RALGDS: variants seen among roughly 807,000 people sequenced by gnomAD.
The protein encoded by RALGDS is ral guanine nucleotide dissociation stimulator, also known as ral guanine nucleotide exchange factor.
Under a neutral mutation model 99.8 loss-of-function variants are expected in RALGDS, and 44 were observed. The ratio of observed to expected loss-of-function variants is 0.44; its 90% CI spans 0.35 to 0.57. RALGDS has a LOEUF of 0.57. Ranked by LOEUF, RALGDS falls within the 20% of genes least tolerant of loss-of-function variation. The pLI is 0.01. For synonymous variants in RALGDS, 529 were observed against 505.0 expected (o/e 1.05, Z -0.64); for missense variants, 1,022 against 1,203.1 (o/e 0.85, Z 2.23).
intron 12 of RALGDS, 138 bp from the exon 13 acceptor site, chr9:133,103,038 G>T: frequency 1.4e-6 from 2 of 1,437,150 alleles, no homozygotes; most frequent in Non-Finnish European, 9.5e-7. Context: ...GTTGGGCTCA[G>T]CCACTCCCCA....
At chr9:133,099,026 C>T (rs1410250142) in intron 17 of RALGDS, 1 of 478,972 alleles carries the variant, frequency 2.1e-6, no homozygotes, top group East Asian at 3.8e-5. Flanking sequence ...GGCAGAGGGT[C>T]ACCCCGTCCT....
At chr9:133,104,840 C>T (rs374794958) in intron 9 of RALGDS, among the ~76,000 whole-genome samples, 4 of 152,110 alleles carry the variant, frequency 2.6e-5, no homozygotes, top group African/African-American at 7.2e-5. Context: ...CCACCTGCCT[C>T]GCAGGGCCTC....
chr9:133,145,426 T>G (rs1206696590), intron 1 of RALGDS, among the ~76,000 whole-genome samples: 1 of 139,894 alleles, frequency 7.1e-6, no homozygotes, highest in Non-Finnish European at 1.5e-5. Context: ...AGATACGAAA[T>G]GAATGAGTGA....
intron 1 of RALGDS, among the ~76,000 whole-genome samples, chr9:133,119,375 C>T (rs1831790346): frequency 1.3e-5 from 2 of 151,966 alleles, no homozygotes; most frequent in African/African-American, 2.4e-5. Flanking sequence ...TCCTCTCCTG[C>T]CAGGATCCTG....
At chr9:133,112,624 C>A (rs1831403845) in intron 1 of RALGDS, among the ~76,000 whole-genome samples, 1 of 152,294 alleles carries the variant, frequency 6.6e-6, no homozygotes, top group East Asian at 1.9e-4. Context: ...GGTCCCCCTA[C>A]CTCCCCAGGG....
upstream of RALGDS, among the ~76,000 whole-genome samples, chr9:133,123,608 T>C (rs1832024642): frequency 6.6e-6 from 1 of 152,240 alleles, no homozygotes; most frequent in Non-Finnish European, 1.5e-5. Flanking sequence ...CTTCCTGCCT[T>C]GTTCCCCTAC....
In RALGDS at chr9:133,098,172, G is replaced by C. The variant is rs1160011099; in HGVS notation, c.*415C>G. 2.9e-6 allele frequency: 1 copy of C among 344,338 alleles called. No homozygotes were observed. The highest frequency in any genetic ancestry group is 2.1e-5 in the African/African-American group (1 of 48,700). The allele number at this position is 344,338 out of a possible 1,614,324, so 21.3% of individuals were successfully genotyped here. ...GCCGGGACCCCTGCGAAGGTCACAGGCCAGTGCCTGTGGGCATGAGAGAAC... is the reference window on the plus strand; with the variant it reads ...GCCGGGACCCCTGCGAAGGTCACAGCCCAGTGCCTGTGGGCATGAGAGAAC... On this transcript the variant is annotated 3_prime_UTR_variant, in exon 18 of 18. Coordinates refer to ENST00000372050, the MANE Select transcript of RALGDS (RefSeq NM_006266.4).
upstream of RALGDS, chr9:133,131,143 C>G (rs544658311): frequency 7.0e-7 from 1 of 1,433,680 alleles, no homozygotes; most frequent in Non-Finnish European, 9.1e-7. Flanking sequence ...CGCTCCCAGC[C>G]CTGCTCCTCT....
Position 133,108,126 on chromosome 9 carries a change from T to C in RALGDS, c.1059A>G (p.Pro353=). Residue 353 remains proline, a synonymous_variant, in exon 6 of 18, where the codon CCA becomes CCG. Coordinates refer to ENST00000372050, the MANE Select transcript of RALGDS (RefSeq NM_006266.4). ...PAPSQTLELE[P]APAPVPSLQP... The stretch of plus-strand genomic sequence containing the variant: ...GTAATGATGGAACTGGTGCTGGAGC[T>C]GGCTCCAGCTCTAGAGTTTGTGAGG... 1 of 1,610,790 alleles carries C rather than the reference T, an allele frequency of 6.2e-7. No homozygotes were observed.
chr9:133,098,056 G>A lies in RALGDS; in HGVS notation c.*531C>T, dbSNP rs1830584728. ...CTCTCTGCTCCCAGGGGAGGGCTGG[G>A]GTAAGCGGTGGGTGAGACTCCCTCA... is the stretch of plus-strand genomic sequence containing the variant. On this transcript the variant is annotated 3_prime_UTR_variant, in exon 18 of 18. Coordinates refer to ENST00000372050, the MANE Select transcript of RALGDS (RefSeq NM_006266.4). The A allele has an allele frequency of 3.9e-6, 1 of 258,318 alleles. No individual in the cohort carries two copies. Among genetic ancestry groups the A allele is most frequent in the Non-Finnish European group, 7.5e-6 (1 of 132,854 alleles). 16.0% of individuals were successfully genotyped at this position (258,318 alleles called of 1,614,324 possible).
chr9:133,148,891 C>T, intron 1 of RALGDS: 2 of 1,551,162 alleles, frequency 1.3e-6, no homozygotes, highest in Non-Finnish European at 8.7e-7. Flanking sequence ...TCCCTCCCCC[C>T]GGTGGGTGTG....
intron 1 of RALGDS, among the ~76,000 whole-genome samples, chr9:133,114,474 A>G (rs956261034): frequency 6.6e-6 from 1 of 152,160 alleles, no homozygotes; most frequent in Admixed American, 6.5e-5. Flanking sequence ...AGAGAAAGAA[A>G]GCAGCCAACA....
Position 133,107,307 on chromosome 9 carries a change from A to C in RALGDS, c.1198-7T>G. 1 of 1,610,164 alleles carries C rather than the reference A, an allele frequency of 6.2e-7. No individual in the cohort carries two copies. Among genetic ancestry groups the C allele is most frequent in the Middle Eastern group, 1.7e-4 (1 of 6,058 alleles). ...CCACCTTCTTGAACAGTTCCTGGGG[A>C]GGAGGCTAAATGTCACCTGGTCCTG... On this transcript the variant is annotated splice_region_variant and splice_polypyrimidine_tract_variant and intron_variant, in intron 6 of 17. Transcript: ENST00000372050.
rs781302534 is a variant in RALGDS at position 133,098,609 on chromosome 9, T to C, written c.2723A>G (p.Lys908Arg). The change falls in exon 18 of 18, where the codon AAG (lysine) becomes AGG (arginine). Residue 908 changes from lysine to arginine, a missense_variant. Physicochemically the swap from Lys to Arg is conservative, Grantham distance 26 (BLOSUM62 2). Around this residue, in one of 3 missense-constraint regions of RALGDS, gnomAD observed 825 missense variants for 994.5 expected, o/e 0.83. Coordinates refer to ENST00000372050, the MANE Select transcript of RALGDS (RefSeq NM_006266.4). ...TLPRMKQKGL[K>R]IAKGIF is the part of the protein sequence containing the mutation. ...CCCTCAGAAGATGCCCTTGGCAATC[T>C]TGAGTCCTTTCTGCTTCATGCGAGG... 14 of 1,614,168 alleles carry C rather than the reference T, an allele frequency of 8.7e-6. No homozygotes were observed. Among genetic ancestry groups the C allele is most frequent in the Admixed American group, 1.7e-5 (1 of 60,038 alleles).
intron 1 of RALGDS, among the ~76,000 whole-genome samples, chr9:133,139,821 G>T (rs1021844144): frequency 6.6e-6 from 1 of 152,172 alleles, no homozygotes. Flanking sequence ...CTGCCCATGC[G>T]GTGCCAGGGG....
chr9:133,126,155 A>C (rs1345501908), upstream of RALGDS, among the ~76,000 whole-genome samples: 1 of 151,840 alleles, frequency 6.6e-6, no homozygotes, highest in African/African-American at 2.4e-5. Flanking sequence ...ATCGGCATTG[A>C]TCCCTTCCTC....
Position 133,103,214 on chromosome 9 carries a change from G to C in RALGDS, c.1791+16C>G. On this transcript the variant is annotated intron_variant, in intron 12 of 17. Transcript: ENST00000372050. ...TTCCACCCCTCCCCAAGTCAGGGCTGCCTGCAGCTGCTTACCTTCCTCCTC... is the reference window on the plus strand; with the variant it reads ...TTCCACCCCTCCCCAAGTCAGGGCTCCCTGCAGCTGCTTACCTTCCTCCTC... 1 of 1,613,816 alleles carries C rather than the reference G, an allele frequency of 6.2e-7. No individual in the cohort carries two copies. The highest frequency in any genetic ancestry group is 2.2e-5 in the East Asian group (1 of 44,880).
upstream of RALGDS, chr9:133,121,297 A>T: frequency 1.3e-5 from 7 of 518,838 alleles, no homozygotes; most frequent in Non-Finnish European, 1.7e-5. Flanking sequence ...CCGGAGGGGA[A>T]GAGGGTGGGG....
In RALGDS at chr9:133,144,228, C is replaced by T. The variant is rs1235470795; in HGVS notation, c.18+4735G>A. ...GCCTCTGGAGAGGCCTGAGAAAGGC[C>T]GGCTCAGCTTGCAGGCGAGGAACCA... On this transcript the variant is annotated intron_variant, in intron 1 of 17. Coordinates refer to the RALGDS transcript ENST00000393160. The surrounding 1 kb of genome is among the most constrained non-coding windows in gnomAD (Gnocchi z 4.5). Among the ~76,000 whole-genome samples the T allele has an allele frequency of 6.6e-6, 1 of 152,174 alleles. No individual in the cohort carries two copies. The highest frequency in any genetic ancestry group is 1.5e-5 in the Non-Finnish European group (1 of 68,018).
Sources: allele counts gnomAD v4.1 joint callset (sites outside exome capture counted in the v4.1 genomes callset), GRCh38; gene constraint gnomAD v4.1.1; regional missense constraint gnomAD v4.1.1; non-coding constraint Gnocchi (gnomAD v3.1); transcripts MANE v1.5; gene names NCBI Gene and HGNC (gene_info 2026-07-23, HGNC 2026-07-21).